The following PRKCE variants were observed in gnomAD, a reference collection of about 807,000 sequenced individuals.
PRKCE encodes the protein protein kinase C epsilon, also known as protein kinase C epsilon type.
A neutral mutation model predicts 85.4 loss-of-function variants in PRKCE; 16 were observed. That is an observed-to-expected ratio of 0.19 (90% CI 0.13 to 0.28). The LOEUF is 0.28. PRKCE is among the 10% of genes least tolerant of loss of function. The pLI is 1.00. For missense variants in PRKCE, 573 were observed against 975.2 expected (o/e 0.59, Z 5.49); for synonymous variants, 388 against 371.5 (o/e 1.04, Z -0.51).
chr2:45,706,434 G>A (rs1455497708), intron 1 of PRKCE, among the ~76,000 whole-genome samples: 1 of 152,072 alleles, frequency 6.6e-6, no homozygotes, highest in Non-Finnish European at 1.5e-5. Context: ...CTGCCCTTGT[G>A]TCAAGCTTCA....
At chr2:45,723,367 GCCTCAGGAGGCTTC>G (rs954879739) in intron 1 of PRKCE, among the ~76,000 whole-genome samples, 4 of 152,166 alleles carry the variant, frequency 2.6e-5, no homozygotes, top group African/African-American at 9.7e-5. Flanking sequence ...CCTGTAATAA[GCCTCAGGAGGCTTC>G]CAGGGCCTGA....
chr2:45,998,907 A>G (rs1277516254), intron 6 of PRKCE, among the ~76,000 whole-genome samples: 1 of 152,168 alleles, frequency 6.6e-6, no homozygotes, highest in South Asian at 2.1e-4. Flanking sequence ...ATCCAAATCT[A>G]CTTTCAAATA....
chr2:46,050,157 T>G (rs1708768547), intron 10 of PRKCE, among the ~76,000 whole-genome samples: 1 of 152,230 alleles, frequency 6.6e-6, no homozygotes, highest in South Asian at 2.1e-4. Flanking sequence ...ATCTCTGAAG[T>G]CATTTCCCTG....
At chr2:45,792,765 G>C (rs1687132382) in intron 1 of PRKCE, among the ~76,000 whole-genome samples, 1 of 152,178 alleles carries the variant, frequency 6.6e-6, no homozygotes. Context: ...CATCCATTTT[G>C]TCGTGAGCAC....
chr2:46,037,149 C>T (rs910458805), intron 10 of PRKCE, among the ~76,000 whole-genome samples: 1 of 152,226 alleles, frequency 6.6e-6, no homozygotes, highest in Admixed American at 6.5e-5. Flanking sequence ...CCCTCCCAGC[C>T]ACAGACACCC....
chr2:45,821,668 C>G (rs1689542174), intron 1 of PRKCE, among the ~76,000 whole-genome samples: 1 of 152,076 alleles, frequency 6.6e-6, no homozygotes, highest in Admixed American at 6.5e-5. Context: ...CCAGGGGAGC[C>G]CGGCCTGAGC....
intron 2 of PRKCE, among the ~76,000 whole-genome samples, chr2:45,879,518 A>G (rs968679735): frequency 6.6e-5 from 10 of 152,220 alleles, no homozygotes; most frequent in Non-Finnish European, 1.0e-4. Flanking sequence ...CCCAGATGGC[A>G]AAGCTAAAAG....
At chr2:45,960,871 A>T (rs925744321) in intron 2 of PRKCE, among the ~76,000 whole-genome samples, 1 of 152,022 alleles carries the variant, frequency 6.6e-6, no homozygotes, top group Non-Finnish European at 1.5e-5. Context: ...CAGTTTTCCT[A>T]CCTGCCCAGC....
intron 1 of PRKCE, among the ~76,000 whole-genome samples, chr2:45,802,318 C>A (rs1364674547): frequency 1.3e-5 from 2 of 152,164 alleles, no homozygotes; most frequent in East Asian, 1.9e-4. Context: ...TTAAATCTTA[C>A]ATTTTTCCAA....
At chr2:46,153,205 C>T (rs1676815655) in intron 13 of PRKCE, among the ~76,000 whole-genome samples, 1 of 152,056 alleles carries the variant, frequency 6.6e-6, no homozygotes, top group South Asian at 2.1e-4. Context: ...AAAAATATAT[C>T]AATAGGTAGC....
intron 2 of PRKCE, among the ~76,000 whole-genome samples, chr2:45,871,244 T>C (rs1694065292): frequency 6.6e-6 from 1 of 152,226 alleles, no homozygotes; most frequent in South Asian, 2.1e-4. Flanking sequence ...CATTTGTGTA[T>C]GGCTCTGGCT....
intron 2 of PRKCE, among the ~76,000 whole-genome samples, chr2:45,871,980 C>A (rs1694127255): frequency 6.6e-6 from 1 of 152,118 alleles, no homozygotes; most frequent in African/African-American, 2.4e-5. Flanking sequence ...GTGACAGTAC[C>A]CTATGCCAGG....
intron 1 of PRKCE, among the ~76,000 whole-genome samples, chr2:45,739,171 A>G (rs1048190920): frequency 6.6e-6 from 1 of 152,236 alleles, no homozygotes; most frequent in African/African-American, 2.4e-5. Context: ...CTACAGAATG[A>G]TACGAGAGGG....
intron 6 of PRKCE, among the ~76,000 whole-genome samples, chr2:45,998,767 C>T (rs1704426068): frequency 6.6e-6 from 1 of 152,112 alleles, no homozygotes; most frequent in African/African-American, 2.4e-5. Context: ...TCATTTTCTG[C>T]CTTTTGTGGT....
intron 1 of PRKCE, among the ~76,000 whole-genome samples, chr2:45,659,375 C>G (rs1675529318): frequency 6.6e-6 from 1 of 152,196 alleles, no homozygotes; most frequent in Admixed American, 6.5e-5. Flanking sequence ...TATCTCAGAT[C>G]ACATCCTTTC....
intron 1 of PRKCE, among the ~76,000 whole-genome samples, chr2:45,796,301 A>G (rs955727760): frequency 4.6e-5 from 7 of 152,196 alleles, no homozygotes; most frequent in Admixed American, 4.6e-4. Flanking sequence ...CACTAGCTGT[A>G]AGAAACCTTG....
At chr2:46,005,206 G>A (rs1043475518) in intron 8 of PRKCE, among the ~76,000 whole-genome samples, 1 of 152,202 alleles carries the variant, frequency 6.6e-6, no homozygotes, top group Non-Finnish European at 1.5e-5. Flanking sequence ...CCCCTCTACA[G>A]CTCCAGATAT....
At chr2:46,072,795 T>G (rs1668190412) in intron 10 of PRKCE, among the ~76,000 whole-genome samples, 1 of 152,202 alleles carries the variant, frequency 6.6e-6, no homozygotes, top group South Asian at 2.1e-4. Flanking sequence ...GGGTGCACTT[T>G]GTCCATCAGT....
At chr2:45,894,591 T>G (rs1695986665) in intron 2 of PRKCE, among the ~76,000 whole-genome samples, 1 of 152,062 alleles carries the variant, frequency 6.6e-6, no homozygotes, top group Non-Finnish European at 1.5e-5. Flanking sequence ...TGGTGATACA[T>G]TTTCTGGAGT....
Sources: allele counts gnomAD v4.1 joint callset (sites outside exome capture counted in the v4.1 genomes callset), GRCh38; gene constraint gnomAD v4.1.1; transcripts MANE v1.5; gene names NCBI Gene and HGNC (gene_info 2026-07-23, HGNC 2026-07-21).